The following CSMD1 variants were observed in gnomAD, a reference collection of about 807,000 sequenced individuals.
CSMD1 encodes the protein CUB and sushi domain-containing protein 1.
A neutral mutation model predicts 417.5 loss-of-function variants in CSMD1; 213 were observed. The observed-to-expected ratio is 0.51, with a 90% confidence interval of 0.46 to 0.57. CSMD1 has a LOEUF of 0.57. CSMD1 is among the 20% of genes least tolerant of loss of function. CSMD1 has a pLI of 0.00. For synonymous variants in CSMD1, 2,862 were observed against 1,736.8 expected (o/e 1.65, Z -16.11); for missense variants, 6,923 against 4,529.7 (o/e 1.53, Z -15.17).
intron 30 of CSMD1, among the ~76,000 whole-genome samples, chr8:3,208,390 C>T (rs934652245): frequency 3.9e-5 from 6 of 152,100 alleles, no homozygotes; most frequent in African/African-American, 1.2e-4. Flanking sequence ...CCTCAACCTC[C>T]CGAGCAGCAG....
At chr8:4,399,652 C>G (rs752097387) in intron 3 of CSMD1, among the ~76,000 whole-genome samples, 4 of 151,998 alleles carry the variant, frequency 2.6e-5, no homozygotes, top group Non-Finnish European at 5.9e-5. Flanking sequence ...TTTCAATCAG[C>G]ACATATTGTA....
intron 26 of CSMD1, among the ~76,000 whole-genome samples, chr8:3,251,563 A>G (rs1266621563): frequency 6.6e-6 from 1 of 152,122 alleles, no homozygotes; most frequent in Non-Finnish European, 1.5e-5. Flanking sequence ...TTTTGGTTCC[A>G]TATGAACTTT....
At chr8:3,248,340 G>A (rs1291508195) in intron 26 of CSMD1, among the ~76,000 whole-genome samples, 1 of 152,044 alleles carries the variant, frequency 6.6e-6, no homozygotes, top group Non-Finnish European at 1.5e-5. Flanking sequence ...CAGCACCCAT[G>A]TTTACTCTTA....
intron 11 of CSMD1, among the ~76,000 whole-genome samples, chr8:3,475,801 G>C (rs1013023488): frequency 1.3e-5 from 2 of 152,238 alleles, no homozygotes; most frequent in South Asian, 2.1e-4. Flanking sequence ...TTATGTATTT[G>C]TTCCTGCCTT....
At chr8:3,788,369 G>A (rs756183380) in intron 5 of CSMD1, among the ~76,000 whole-genome samples, 1 of 152,124 alleles carries the variant, frequency 6.6e-6, no homozygotes, top group African/African-American at 2.4e-5. Context: ...GCCTCCCTGT[G>A]CCCACAGCAG....
rs1053661127 is a variant in CSMD1 at position 4,452,728 on chromosome 8, C to G, written c.303-32663G>C. Among the ~76,000 whole-genome samples the G allele has an allele frequency of 3.9e-5, 6 of 152,190 alleles. No homozygotes were observed. In the East Asian group the frequency reaches 9.7e-4, roughly 25 times the overall value. Reference sequence around the variant, plus strand: ...AATTACATTTAAATCAACACGGACACAGACACAGGTTATTCATCTTTCAAC... The same window carrying G: ...AATTACATTTAAATCAACACGGACAGAGACACAGGTTATTCATCTTTCAAC... On this transcript the variant is annotated intron_variant, in intron 2 of 69. Transcript: ENST00000635120.
chr8:3,443,218 T>A (rs1815101488), intron 12 of CSMD1, among the ~76,000 whole-genome samples: 2 of 152,198 alleles, frequency 1.3e-5, no homozygotes, highest in African/African-American at 4.8e-5. Context: ...CATGTCAGAC[T>A]ATTTCTTATA....
At chr8:3,590,180 C>A (rs942005725) in intron 8 of CSMD1, among the ~76,000 whole-genome samples, 1 of 152,068 alleles carries the variant, frequency 6.6e-6, no homozygotes, top group Non-Finnish European at 1.5e-5. Flanking sequence ...TATGATCTAT[C>A]TATATTTATA....
intron 2 of CSMD1, among the ~76,000 whole-genome samples, chr8:4,578,148 G>T (rs1238220575): frequency 6.6e-6 from 1 of 151,908 alleles, no homozygotes; most frequent in African/African-American, 2.4e-5. Context: ...CTTACCACAG[G>T]CTGATAAAAG....
chr8:4,186,328 C>T (rs578073854), intron 3 of CSMD1, among the ~76,000 whole-genome samples: 1 of 152,110 alleles, frequency 6.6e-6, no homozygotes, highest in African/African-American at 2.4e-5. Flanking sequence ...CCAACTGGGA[C>T]TCCTCATGGC....
chr8:3,286,912 G>T (rs535500594), intron 25 of CSMD1, among the ~76,000 whole-genome samples: 1 of 152,184 alleles, frequency 6.6e-6, no homozygotes, highest in South Asian at 2.1e-4. Context: ...CCTATGTCCT[G>T]AATGGTATTG....
intron 2 of CSMD1, among the ~76,000 whole-genome samples, chr8:4,519,107 T>C (rs11985052): frequency 0.017 from 2,664 of 152,242 alleles, 86 homozygotes; most frequent in African/African-American, 0.06. Flanking sequence ...TATCACAACA[T>C]ACTGTTTGCG....
intron 61 of CSMD1, among the ~76,000 whole-genome samples, chr8:2,961,479 C>CT (rs35753677): frequency 0.055 from 8,294 of 151,666 alleles, 527 homozygotes; most frequent in African/African-American, 0.16. Flanking sequence ...CATTCTCTGG[C>CT]TTTTTTTTCT....
At position 3,920,495 on chromosome 8, in the gene CSMD1, G is replaced by A. The variant is rs1222500674; in HGVS notation, c.818+77408C>T. On this transcript the variant is annotated intron_variant, in intron 5 of 69. Transcript: ENST00000635120. The stretch of plus-strand genomic sequence containing the variant: ...TTCTTTTACTTTCCTAATTGATCTG[G>A]CTAGGACTTTCAGTACTATATTAAG... Among the ~76,000 whole-genome samples the A allele has an allele frequency of 4.0e-5, 6 of 151,886 alleles. No homozygotes were observed. In the East Asian group the frequency reaches 5.8e-4, roughly 15 times the overall value.
At chr8:3,535,913 G>A (rs923683926) in intron 10 of CSMD1, among the ~76,000 whole-genome samples, 2 of 152,148 alleles carry the variant, frequency 1.3e-5, no homozygotes, top group East Asian at 1.9e-4. Flanking sequence ...CCTGGTGGAT[G>A]CTGCTTCAAG....
In CSMD1 at chr8:3,230,245, A is replaced by G. The variant is rs751352322; in HGVS notation, c.4154-14T>C. On this transcript the variant is annotated splice_polypyrimidine_tract_variant and intron_variant, in intron 26 of 69. Transcript: ENST00000635120. ...CTGCAATTGAGGCTGCAAACAAAAGAGAAGGCAAGGTCACAGGCTGGAAAA... is the reference window on the plus strand; with the variant it reads ...CTGCAATTGAGGCTGCAAACAAAAGGGAAGGCAAGGTCACAGGCTGGAAAA... The G allele has an allele frequency of 1.3e-6, 2 of 1,557,436 alleles. No individual in the cohort carries two copies. The highest frequency in any genetic ancestry group is 2.4e-5 in the South Asian group (2 of 83,820).
rs1435266202 is a variant in CSMD1 at position 3,492,958 on chromosome 8, T to A, written c.1448+665A>T. 2.6e-5 allele frequency among the ~76,000 whole-genome samples: 4 copies of A among 152,116 alleles called. No homozygotes were observed. In the East Asian group the frequency reaches 7.7e-4, roughly 29 times the overall value. On this transcript the variant is annotated intron_variant, in intron 11 of 69. Coordinates refer to ENST00000635120, the MANE Select transcript of CSMD1 (RefSeq NM_033225.6). ...AGCATCTGTACCTCTTTAAAAACCC[T>A]GATAATATAACATCACAGGGAAGCA...
intron 35 of CSMD1, among the ~76,000 whole-genome samples, chr8:3,188,238 G>C: frequency 4.8e-5 from 1 of 20,712 alleles, no homozygotes; most frequent in African/African-American, 2.5e-4. Flanking sequence ...ATATATACAT[G>C]GCAAAATTTA....
intron 49 of CSMD1, among the ~76,000 whole-genome samples, chr8:3,069,079 G>C (rs1813150261): frequency 6.6e-6 from 1 of 152,052 alleles, no homozygotes; most frequent in Non-Finnish European, 1.5e-5. Context: ...TAGCTTCCAA[G>C]ATACAATGGA....
Sources: gnomAD v4.1 joint callset for allele counts (sites outside exome capture counted in the v4.1 genomes callset) on GRCh38, gnomAD v4.1.1 for gene constraint, MANE v1.5 for transcripts, NCBI Gene and HGNC (gene_info 2026-07-23, HGNC 2026-07-21) for gene names.